The following MALRD1 variants were observed in gnomAD, a reference collection of about 807,000 sequenced individuals.
MALRD1 encodes the protein MAM and LDL-receptor class A domain-containing protein 1.
A neutral mutation model predicts 242.1 loss-of-function variants in MALRD1; 247 were observed. That is an observed-to-expected ratio of 1.02 (90% CI 0.92 to 1.13). The LOEUF (loss-of-function observed/expected upper bound fraction) is 1.13, where lower values mean the gene tolerates loss of function less well. Ranked by LOEUF, MALRD1 falls within the 50% of genes most tolerant of loss-of-function variation. The pLI is 0.00. For synonymous variants in MALRD1, 995 were observed against 866.6 expected (o/e 1.15, Z -2.60); for missense variants, 2,989 against 2,533.1 (o/e 1.18, Z -3.86).
chr10:19,125,422 CTTCT>C (rs56962639), intron 7 of MALRD1, among the ~76,000 whole-genome samples: 9,251 of 126,988 alleles, frequency 0.073, 479 homozygotes, highest in Middle Eastern at 0.14. Context: ...TCCTTCCTTC[CTTCT>C]TTCTTTCTTT....
chr10:19,513,059 C>G (rs1460109112), intron 31 of MALRD1, among the ~76,000 whole-genome samples: 1 of 152,114 alleles, frequency 6.6e-6, no homozygotes, highest in Non-Finnish European at 1.5e-5. Flanking sequence ...TTGGGTCAAT[C>G]TTACTGTGTT....
At chr10:19,624,406 T>G (rs922410188) in intron 36 of MALRD1, among the ~76,000 whole-genome samples, 1 of 152,156 alleles carries the variant, frequency 6.6e-6, no homozygotes, top group East Asian at 1.9e-4. Context: ...AAATATATAG[T>G]TATCACTGAA....
chr10:19,373,639 T>A (rs998454065), intron 26 of MALRD1, among the ~76,000 whole-genome samples: 3 of 152,122 alleles, frequency 2.0e-5, no homozygotes, highest in African/African-American at 7.2e-5. Context: ...TATATAACCT[T>A]CTAAGGATGT....
chr10:19,272,837 C>T (rs986810851), intron 19 of MALRD1, among the ~76,000 whole-genome samples: 2 of 152,146 alleles, frequency 1.3e-5, no homozygotes, highest in Non-Finnish European at 2.9e-5. Context: ...CAGCTTCATC[C>T]ACGTCCCTGC....
rs5783654 is a variant in MALRD1, at chr10:19,112,150, ATTTT to A, written c.694+8091_694+8094del. Among the ~76,000 whole-genome samples the A allele has an allele frequency of 4.3e-5, 6 of 140,048 alleles. No homozygotes were observed. The East Asian group carries it at 8.5e-4, about 20-fold the overall frequency. 91.9% of individuals were successfully genotyped at this position (140,048 alleles called of 152,430 possible). A position where few individuals can be genotyped will look rare whatever the true frequency, so the allele number is the denominator to read the frequency against. On this transcript the variant is annotated intron_variant, in intron 5 of 39. Coordinates refer to ENST00000454679, the MANE Select transcript of MALRD1 (RefSeq NM_001142308.3). ...CTGAATTTTAAATAAGATTCTCAGG[ATTTT>A]TTTTTTTTTTTTTTTATGAAGCCAG...
At position 19,147,070 on chromosome 10, in the gene MALRD1, T is replaced by G. The variant is rs570216244; in HGVS notation, c.1558+726T>G. ...GAGTGTCTCGCCATGTTGCCCAGGT[T>G]GATCTCAAACTCCTGGCCTCAAGCA... On this transcript the variant is annotated intron_variant, in intron 11 of 39. Coordinates refer to ENST00000454679, the MANE Select transcript of MALRD1 (RefSeq NM_001142308.3). Among the ~76,000 whole-genome samples, 3 of 152,284 alleles carry G rather than the reference T, an allele frequency of 2.0e-5. No individual in the cohort carries two copies. The South Asian group carries it at 6.2e-4, about 32-fold the overall frequency.
At chr10:19,119,485 G>A (rs1035908657) in intron 5 of MALRD1, among the ~76,000 whole-genome samples, 3 of 152,144 alleles carry the variant, frequency 2.0e-5, no homozygotes, top group South Asian at 2.1e-4. Context: ...AGTGAGCCAG[G>A]AGTGCTGACT....
At chr10:19,172,099 A>C (rs767015921) in intron 13 of MALRD1, among the ~76,000 whole-genome samples, 1 of 141,140 alleles carries the variant, frequency 7.1e-6, no homozygotes, top group Admixed American at 7.3e-5. Context: ...GTGTATATGT[A>C]TCAGTTTGGT....
At chr10:19,621,424 G>C (rs1839397977) in intron 36 of MALRD1, among the ~76,000 whole-genome samples, 1 of 148,760 alleles carries the variant, frequency 6.7e-6, no homozygotes, top group African/African-American at 2.5e-5. Context: ...TGAATTGGTT[G>C]AACCCAGGAA....
chr10:19,168,343 T>C (rs1263700786), intron 13 of MALRD1, among the ~76,000 whole-genome samples: 2 of 152,256 alleles, frequency 1.3e-5, no homozygotes, highest in Non-Finnish European at 2.9e-5. Flanking sequence ...CCTGCATTTA[T>C]ATTCTATAGA....
intron 18 of MALRD1, among the ~76,000 whole-genome samples, chr10:19,241,961 T>A (rs1838801703): frequency 1.3e-5 from 2 of 152,188 alleles, no homozygotes; most frequent in Admixed American, 1.3e-4. Flanking sequence ...TTAAGACTTA[T>A]TATGTGTCAT....
chr10:19,595,270 C>G lies in MALRD1; in HGVS notation c.5757C>G (p.Leu1919=). 6.4e-7 allele frequency: 1 copy of G among 1,550,676 alleles called. No homozygotes were observed. Among genetic ancestry groups the G allele is most frequent in the Non-Finnish European group, 8.7e-7 (1 of 1,146,978 alleles). The change falls in exon 34 of 40, where the codon CTC becomes CTG. Residue 1919 remains leucine (L), a synonymous_variant. Transcript: ENST00000454679. ...SCIYTLQCVP[L]SGKCDGHEDC... ...TCTACACACTCCAATGTGTCCCTCT[C>G]TCAGGGAAATGTGATGGACATGAAG...
intron 10 of MALRD1, among the ~76,000 whole-genome samples, chr10:19,138,092 AGAG>A (rs1180341575): frequency 6.6e-6 from 1 of 152,160 alleles, no homozygotes; most frequent in Non-Finnish European, 1.5e-5. Flanking sequence ...GACACAGGAG[AGAG>A]GAGATGAGAA....
At position 19,393,751 on chromosome 10, in the gene MALRD1, G is replaced by T. The variant is rs184685996; in HGVS notation, c.4845+4142G>T. 4.6e-5 allele frequency among the ~76,000 whole-genome samples: 7 copies of T among 151,952 alleles called. No individual in the cohort carries two copies. The East Asian group carries it at 1.4e-3, about 29-fold the overall frequency. On this transcript the variant is annotated intron_variant, in intron 28 of 39. Transcript: ENST00000454679. Reference sequence around the variant, plus strand: ...ATTACAGGCGTGAGCCACCGCGCCCGGCCCTGATGGGGTTAATTAATGATG... The same window carrying T: ...ATTACAGGCGTGAGCCACCGCGCCCTGCCCTGATGGGGTTAATTAATGATG...
chr10:19,623,266 T>G (rs4520496), intron 36 of MALRD1, among the ~76,000 whole-genome samples: 88,837 of 151,774 alleles, frequency 0.59, 26,545 homozygotes, highest in African/African-American at 0.72. Flanking sequence ...TCAGAAAAAG[T>G]ACAAATATCC....
intron 12 of MALRD1, among the ~76,000 whole-genome samples, chr10:19,161,550 C>CCAAA (rs1834410363): frequency 3.3e-5 from 2 of 60,842 alleles, no homozygotes; most frequent in East Asian, 5.4e-4. Flanking sequence ...AAAAAAAAAG[C>CCAAA]AAAAAAAAAA....
At chr10:19,505,730 C>T (rs1001722745) in intron 31 of MALRD1, among the ~76,000 whole-genome samples, 1 of 152,180 alleles carries the variant, frequency 6.6e-6, no homozygotes, top group African/African-American at 2.4e-5. Context: ...AACCAATGAT[C>T]ACTGCTTCCA....
chr10:19,176,367 T>C (rs1235984876), intron 14 of MALRD1, among the ~76,000 whole-genome samples: 14 of 61,210 alleles, frequency 2.3e-4, no homozygotes, highest in African/African-American at 1.1e-3. Flanking sequence ...TTCTGGGTGC[T>C]TTTTTTTTTT....
intron 28 of MALRD1, among the ~76,000 whole-genome samples, chr10:19,416,244 C>G (rs1011379728): frequency 6.6e-6 from 1 of 152,110 alleles, no homozygotes; most frequent in Non-Finnish European, 1.5e-5. Flanking sequence ...GAGATCTGTT[C>G]CACAAATTAT....
Sources: gnomAD v4.1 joint callset for allele counts (sites outside exome capture counted in the v4.1 genomes callset) on GRCh38, gnomAD v4.1.1 for gene constraint, MANE v1.5 for transcripts, NCBI Gene and HGNC (gene_info 2026-07-23, HGNC 2026-07-21) for gene names.